Variants in SNX29 observed in about 807,000 individuals in gnomAD.
SNX29 encodes the protein sorting nexin-29.
In SNX29, 78 loss-of-function variants were observed where a neutral mutation model predicts 102.1. The ratio of observed to expected loss-of-function variants is 0.76; its 90% CI spans 0.64 to 0.92. The LOEUF (loss-of-function observed/expected upper bound fraction) is 0.92. Ranked by LOEUF, SNX29 falls within the 40% of genes least tolerant of loss-of-function variation. The pLI, the probability that SNX29 is intolerant of heterozygous loss-of-function variation, is 0.00. For synonymous variants in SNX29, 580 were observed against 414.5 expected (o/e 1.40, Z -4.85); for missense variants, 1,280 against 1,061.7 (o/e 1.21, Z -2.86).
At chr16:12,215,027 A>C (rs773127252) in intron 14 of SNX29, among the ~76,000 whole-genome samples, 22 of 152,180 alleles carry the variant, frequency 1.4e-4, no homozygotes, top group Non-Finnish European at 1.9e-4. Flanking sequence ...ATCAGTAGAC[A>C]TTTGATGAAT....
chr16:12,080,301 A>C (rs1213002505), intron 11 of SNX29, among the ~76,000 whole-genome samples: 1 of 152,236 alleles, frequency 6.6e-6, no homozygotes, highest in Non-Finnish European at 1.5e-5. Flanking sequence ...AGGGTGAAGC[A>C]GGAAGTGAGC....
chr16:12,310,120 G>GCACACATGCA (rs67403552), intron 15 of SNX29, among the ~76,000 whole-genome samples: 6 of 151,848 alleles, frequency 4.0e-5, no homozygotes, highest in South Asian at 4.2e-4. Context: ...ACACGTGCAC[G>GCACACATGCA]CACACATGCA....
chr16:12,292,993 A>G (rs1380749331), intron 15 of SNX29, among the ~76,000 whole-genome samples: 2 of 152,266 alleles, frequency 1.3e-5, no homozygotes, highest in African/African-American at 4.8e-5. Context: ...CTTATTAATG[A>G]ATGAATAATG....
chr16:12,536,369 C>G (rs185723815), intron 20 of SNX29, among the ~76,000 whole-genome samples: 104 of 152,006 alleles, frequency 6.8e-4, no homozygotes, highest in African/African-American at 2.2e-3. Context: ...GGGGGTAAAG[C>G]TTGTTTATGA....
At chr16:12,435,239 C>T (rs1208432074) in intron 18 of SNX29, among the ~76,000 whole-genome samples, 3 of 152,236 alleles carry the variant, frequency 2.0e-5, no homozygotes, top group Non-Finnish European at 4.4e-5. Context: ...GCACAAGCAT[C>T]AGCTGATAGG....
At chr16:12,240,597 T>TC (rs1479708043) in intron 14 of SNX29, among the ~76,000 whole-genome samples, 2 of 127,766 alleles carry the variant, frequency 1.6e-5, no homozygotes, top group African/African-American at 5.9e-5. Flanking sequence ...TTTTTTTTTT[T>TC]TTTTTTTTTT....
At chr16:12,549,986 G>C (rs145014157) in intron 20 of SNX29, among the ~76,000 whole-genome samples, 1 of 152,230 alleles carries the variant, frequency 6.6e-6, no homozygotes, top group African/African-American at 2.4e-5. Flanking sequence ...CACACTTCAT[G>C]TATAGCTTCT....
intron 5 of SNX29, 137 bp downstream of exon 5, chr16:12,043,214 GT>G: frequency 2.6e-6 from 3 of 1,137,868 alleles, no homozygotes; most frequent in Non-Finnish European, 3.7e-6. Flanking sequence ...GCTCCGGAGT[GT>G]TCTGCTGAGC....
chr16:12,441,684 A>G (rs571742031), intron 18 of SNX29, among the ~76,000 whole-genome samples: 1 of 152,180 alleles, frequency 6.6e-6, no homozygotes, highest in African/African-American at 2.4e-5. Context: ...TATCATGTCT[A>G]AGAATCCTTT....
At chr16:12,556,472 C>T (rs531400826) in intron 20 of SNX29, 1 of 152,416 alleles carries the variant, frequency 6.6e-6, no homozygotes, top group East Asian at 1.9e-4. Context: ...AGGCCAAAAG[C>T]ACAAGGAGGA....
At chr16:12,497,228 A>G (rs188445365) in intron 19 of SNX29, among the ~76,000 whole-genome samples, 1 of 152,384 alleles carries the variant, frequency 6.6e-6, no homozygotes, top group East Asian at 1.9e-4. Flanking sequence ...GAAGTAAAAA[A>G]GTAAACGAAA....
intron 4 of SNX29, among the ~76,000 whole-genome samples, chr16:12,039,419 C>T (rs574641033): frequency 1.3e-3 from 196 of 152,200 alleles, no homozygotes; most frequent in African/African-American, 4.3e-3. Context: ...ACTGGAAGCC[C>T]CTTAGGGACG....
chr16:12,274,768 T>C (rs2079194710), intron 14 of SNX29, among the ~76,000 whole-genome samples: 2 of 152,166 alleles, frequency 1.3e-5, no homozygotes, highest in African/African-American at 4.8e-5. Context: ...TATTTTGTTA[T>C]TCGTTGCCTC....
chr16:12,348,926 A>C (rs1197168015), intron 15 of SNX29, among the ~76,000 whole-genome samples: 1 of 152,044 alleles, frequency 6.6e-6, no homozygotes, highest in Non-Finnish European at 1.5e-5. Context: ...GTGCCCCCTG[A>C]GTCTGCCCAC....
At chr16:12,392,244 T>C (rs182080061) in intron 16 of SNX29, among the ~76,000 whole-genome samples, 1 of 152,308 alleles carries the variant, frequency 6.6e-6, no homozygotes, top group Admixed American at 6.5e-5. Flanking sequence ...TGTGCTGTGT[T>C]TTATATAACC....
intron 19 of SNX29, among the ~76,000 whole-genome samples, chr16:12,514,749 C>G (rs1298819172): frequency 6.6e-6 from 1 of 152,130 alleles, no homozygotes; most frequent in Non-Finnish European, 1.5e-5. Flanking sequence ...CCTGTAATCC[C>G]TCCTACTCGG....
intron 13 of SNX29, among the ~76,000 whole-genome samples, chr16:12,172,721 C>G (rs1049836064): frequency 6.6e-6 from 1 of 152,234 alleles, no homozygotes; most frequent in Non-Finnish European, 1.5e-5. Flanking sequence ...CTTTTATAAT[C>G]CCTCGAGATA....
At chr16:12,365,410 C>T (rs2082436110) in intron 16 of SNX29, among the ~76,000 whole-genome samples, 1 of 150,192 alleles carries the variant, frequency 6.7e-6, no homozygotes, top group Non-Finnish European at 1.5e-5. Context: ...TCTTCGGAGG[C>T]CGGGCGTGGT....
chr16:12,148,045 C>G (rs369812343), intron 13 of SNX29, among the ~76,000 whole-genome samples: 23 of 152,154 alleles, frequency 1.5e-4, no homozygotes, highest in Non-Finnish European at 2.2e-4. Flanking sequence ...CAAACATAGC[C>G]GAAGCAAAGA....
Sources: allele counts gnomAD v4.1 joint callset (sites outside exome capture counted in the v4.1 genomes callset), GRCh38; gene constraint gnomAD v4.1.1; transcripts MANE v1.5; gene names NCBI Gene and HGNC (gene_info 2026-07-23, HGNC 2026-07-21).